ADAMTSL1: variants seen among roughly 807,000 people sequenced by gnomAD.
ADAMTSL1 encodes the protein ADAMTS-like protein 1.
In ADAMTSL1, 126 loss-of-function variants were observed where a neutral mutation model predicts 201.8. That is an observed-to-expected ratio of 0.62 (90% CI 0.54 to 0.72). ADAMTSL1 has a LOEUF of 0.72. ADAMTSL1 is among the 30% of genes least tolerant of loss of function. The pLI, the probability that ADAMTSL1 is intolerant of heterozygous loss-of-function variation, is 0.00. For missense variants in ADAMTSL1, 2,679 were observed against 2,277.8 expected (o/e 1.18, Z -3.59); for synonymous variants, 1,121 against 903.4 (o/e 1.24, Z -4.32).
chr9:18,585,761 C>G (rs1475161232), intron 4 of ADAMTSL1, among the ~76,000 whole-genome samples: 1 of 152,134 alleles, frequency 6.6e-6, no homozygotes, highest in African/African-American at 2.4e-5. Context: ...TTAGCATGAG[C>G]AACTAGGCTT....
In ADAMTSL1 at chr9:18,908,713, C is replaced by T. The variant is rs1375827870; in HGVS notation, c.*165C>T. 11 of 583,910 alleles carry T rather than the reference C, an allele frequency of 1.9e-5. No individual in the cohort carries two copies. The highest frequency in any genetic ancestry group is 6.1e-5 in the South Asian group (3 of 48,954). The allele number at this position is 583,910 out of a possible 1,614,324, so 36.2% of individuals were successfully genotyped here. On this transcript the variant is annotated 3_prime_UTR_variant, in exon 29 of 29. Transcript: ENST00000380548. ...CTCCACCTTCAAGCATAAGGACGTCCGCGTGTTTTCTCTTTCAGTTAGCTG... is the reference window on the plus strand; with the variant it reads ...CTCCACCTTCAAGCATAAGGACGTCTGCGTGTTTTCTCTTTCAGTTAGCTG...
At chr9:18,781,565 C>T (rs965575910) in intron 19 of ADAMTSL1, among the ~76,000 whole-genome samples, 1 of 152,212 alleles carries the variant, frequency 6.6e-6, no homozygotes, top group Non-Finnish European at 1.5e-5. Context: ...ATTAGGACTG[C>T]TTTGCTGTGG....
chr9:18,419,343 G>T (rs1818833840), intron 2 of ADAMTSL1, among the ~76,000 whole-genome samples: 1 of 152,088 alleles, frequency 6.6e-6, no homozygotes, highest in Non-Finnish European at 1.5e-5. Flanking sequence ...TAAAAGATTG[G>T]TAAATCTTAA....
intron 4 of ADAMTSL1, among the ~76,000 whole-genome samples, chr9:18,602,585 T>C (rs1377445581): frequency 1.3e-5 from 2 of 152,178 alleles, no homozygotes; most frequent in Non-Finnish European, 2.9e-5. Context: ...TGCCATTCTT[T>C]AATTCAGAGC....
intron 4 of ADAMTSL1, among the ~76,000 whole-genome samples, chr9:18,583,593 C>T (rs369501386): frequency 8.5e-5 from 13 of 152,274 alleles, no homozygotes; most frequent in African/African-American, 2.4e-4. Context: ...ATCCTCCAGA[C>T]GCAGAATGGT....
chr9:18,071,169 A>T (rs1021616497), intron 1 of ADAMTSL1, among the ~76,000 whole-genome samples: 2 of 152,176 alleles, frequency 1.3e-5, no homozygotes, highest in African/African-American at 4.8e-5. Context: ...ACTGTGGGGG[A>T]CGGCATGTCC....
chr9:18,514,257 A>G (rs890454348), intron 2 of ADAMTSL1, among the ~76,000 whole-genome samples: 2 of 150,510 alleles, frequency 1.3e-5, no homozygotes, highest in African/African-American at 4.9e-5. Flanking sequence ...ATTGTAAATG[A>G]GACTGTTCTC....
At chr9:18,764,133 A>G (rs1312804850) in intron 16 of ADAMTSL1, among the ~76,000 whole-genome samples, 1 of 152,164 alleles carries the variant, frequency 6.6e-6, no homozygotes, top group African/African-American at 2.4e-5. Context: ...TGAACATGGA[A>G]TATTTTTCCA....
chr9:18,645,410 G>A (rs372662035), intron 7 of ADAMTSL1, among the ~76,000 whole-genome samples: 3 of 151,708 alleles, frequency 2.0e-5, no homozygotes, highest in South Asian at 2.1e-4. Context: ...CCATTTGTCA[G>A]TTTTGGCTTT....
chr9:18,328,987 C>T (rs1834932074), intron 2 of ADAMTSL1, among the ~76,000 whole-genome samples: 1 of 152,148 alleles, frequency 6.6e-6, no homozygotes, highest in African/African-American at 2.4e-5. Context: ...ACCCCCCACC[C>T]TTTGCTATAG....
At chr9:17,961,984 T>A (rs1817775537) in intron 1 of ADAMTSL1, among the ~76,000 whole-genome samples, 1 of 152,168 alleles carries the variant, frequency 6.6e-6, no homozygotes. Context: ...CTTTGTGGTG[T>A]AGAGACACAT....
At chr9:18,678,410 C>A (rs530582964) in intron 10 of ADAMTSL1, among the ~76,000 whole-genome samples, 1 of 152,202 alleles carries the variant, frequency 6.6e-6, no homozygotes, top group East Asian at 1.9e-4. Flanking sequence ...TTCCACATAA[C>A]CCTATTATTA....
intron 1 of ADAMTSL1, among the ~76,000 whole-genome samples, chr9:18,481,445 G>C (rs897919767): frequency 2.2e-4 from 33 of 151,062 alleles, no homozygotes; most frequent in African/African-American, 7.5e-4. Context: ...CGGAGATTAA[G>C]TCACAATCTC....
At chr9:18,223,754 G>A (rs969091935) in intron 2 of ADAMTSL1, among the ~76,000 whole-genome samples, 5 of 151,822 alleles carry the variant, frequency 3.3e-5, no homozygotes, top group African/African-American at 9.7e-5. Flanking sequence ...TAATTCTATG[G>A]TTGTTGCTTC....
At chr9:18,189,163 T>C (rs1420057428) in intron 2 of ADAMTSL1, among the ~76,000 whole-genome samples, 1 of 152,128 alleles carries the variant, frequency 6.6e-6, no homozygotes, top group African/African-American at 2.4e-5. Flanking sequence ...CACTCCACAG[T>C]TGCCAGGCTG....
rs1275941735 is a variant in ADAMTSL1, at chr9:18,421,956, C to A, written c.208-82873C>A. 2.0e-5 allele frequency among the ~76,000 whole-genome samples: 3 copies of A among 152,134 alleles called. No homozygotes were observed. In the East Asian group the frequency reaches 5.8e-4, roughly 29 times the overall value. ...CTTTCATCATCATTTGCTGCATAAT[C>A]CTAGCAAAGTAATTTTAGTATTAAT... On this transcript the variant is annotated intron_variant, in intron 2 of 29. Coordinates refer to the ADAMTSL1 transcript ENST00000680146.
intron 1 of ADAMTSL1, among the ~76,000 whole-genome samples, chr9:18,057,418 G>C (rs577777798): frequency 1.3e-5 from 2 of 152,252 alleles, no homozygotes; most frequent in South Asian, 2.1e-4. Context: ...AATTAGTTCT[G>C]TTCTCCCAAT....
intron 16 of ADAMTSL1, among the ~76,000 whole-genome samples, chr9:18,767,343 A>T (rs1462911977): frequency 6.6e-6 from 1 of 152,226 alleles, no homozygotes; most frequent in Non-Finnish European, 1.5e-5. Flanking sequence ...CAGAATGGAA[A>T]GTATTGTGGA....
At chr9:18,155,518 A>C (rs1288169783) in intron 1 of ADAMTSL1, among the ~76,000 whole-genome samples, 1 of 152,078 alleles carries the variant, frequency 6.6e-6, no homozygotes, top group Non-Finnish European at 1.5e-5. Flanking sequence ...AATGTGGCCC[A>C]ACACAAATTT....
Sources: allele counts gnomAD v4.1 joint callset (sites outside exome capture counted in the v4.1 genomes callset), GRCh38; gene constraint gnomAD v4.1.1; transcripts MANE v1.5; gene names NCBI Gene and HGNC (gene_info 2026-07-23, HGNC 2026-07-21).